DDHD2: variants seen among roughly 807,000 people sequenced by gnomAD.
DDHD2 encodes the protein DDHD domain containing 2, also known as triacylglycerol hydrolase DDHD2.
DDHD2 carries 62 observed loss-of-function variants against 91.2 expected under a neutral mutation model. The observed-to-expected ratio is 0.68, with a 90% CI of 0.55 to 0.84. The LOEUF (loss-of-function observed/expected upper bound fraction) is 0.84, where lower values mean the gene tolerates loss of function less well. Ranked by LOEUF, DDHD2 falls within the 40% of genes least tolerant of loss-of-function variation. The pLI is 0.00. For missense variants in DDHD2, 740 were observed against 846.9 expected (o/e 0.87, Z 1.57); for synonymous variants, 271 against 293.9 (o/e 0.92, Z 0.80).
downstream of DDHD2, chr8:38,262,888 GAACT>G (rs1185864017): frequency 6.6e-6 from 1 of 152,142 alleles, no homozygotes; most frequent in African/African-American, 2.4e-5. Context: ...TTTGGGCAAA[GAACT>G]AATATGTAAG....
In DDHD2 at chr8:38,251,737, A is replaced by C. The variant is rs139222300; in HGVS notation, c.1345-175A>C. On this transcript the variant is annotated intron_variant, in intron 11 of 17. Transcript: ENST00000397166. ...AATCCTTTGGCTATACTTTTACTAT[A>C]TAGTAGCTCCCCATACTTTTTTTTT... The C allele has an allele frequency of 1.5e-4, 83 of 565,378 alleles. 1 individual carries two copies. The East Asian group carries it at 2.0e-3, about 13-fold the overall frequency. 35.0% of individuals were successfully genotyped at this position (565,378 alleles called of 1,614,324 possible). A position where few individuals can be genotyped will look rare whatever the true frequency, so the allele number is the denominator to read the frequency against.
intron 16 of DDHD2, chr8:38,255,194 C>CAAAA (rs34259167): frequency 3.0e-4 from 35 of 118,306 alleles, no homozygotes; most frequent in Non-Finnish European, 3.7e-4. Context: ...GACTCCATCT[C>CAAAA]AAAAAAAAAA....
At chr8:38,247,641 C>G in intron 9 of DDHD2, 72 bp from the exon 10 acceptor site, 1 of 985,904 alleles carries the variant, frequency 1.0e-6, no homozygotes, top group East Asian at 2.9e-5. Context: ...CTATGTATTT[C>G]TTTACTGCAA....
intron 7 of DDHD2, among the ~76,000 whole-genome samples, chr8:38,244,214 C>T (rs1361712191): frequency 1.3e-5 from 2 of 152,136 alleles, no homozygotes; most frequent in East Asian, 3.9e-4. Context: ...TCTTAAAGTG[C>T]TGGGATTACA....
chr8:38,273,183 A>C (rs1189789706), downstream of DDHD2: 3 of 152,144 alleles, frequency 2.0e-5, no homozygotes, highest in Non-Finnish European at 4.4e-5. Flanking sequence ...TTTTTAGCAG[A>C]GACAGGGTTT....
downstream of DDHD2, chr8:38,266,249 G>A (rs757137321): frequency 7.4e-6 from 12 of 1,613,680 alleles, no homozygotes; most frequent in Admixed American, 1.7e-5. Context: ...CGGCCTTGTG[G>A]TGTGAAGCAG....
chr8:38,270,344 C>T (rs1200646831), intron 1 of DDHD2: 7 of 152,194 alleles, frequency 4.6e-5, no homozygotes, highest in East Asian at 1.9e-4. Context: ...AAAATGAAAA[C>T]GGAGTCTGTA....
chr8:38,246,162 C>CT (rs1805619062), intron 8 of DDHD2, 71 bp from the exon 9 acceptor site: 1 of 1,257,270 alleles, frequency 8.0e-7, no homozygotes, highest in African/African-American at 1.5e-5. Flanking sequence ...TGGCTTATGC[C>CT]TTTTTTGTAT....
chr8:38,266,332 A>C, downstream of DDHD2: 1 of 1,602,042 alleles, frequency 6.2e-7, no homozygotes, highest in African/African-American at 1.3e-5. Context: ...AAAAACTTTT[A>C]AGTGGTTTGT....
At chr8:38,235,219 T>C (rs1384709722) in intron 3 of DDHD2, among the ~76,000 whole-genome samples, 1 of 151,890 alleles carries the variant, frequency 6.6e-6, no homozygotes, top group African/African-American at 2.4e-5. Flanking sequence ...GAAAGGAAAA[T>C]ATTGTAATGG....
At chr8:38,264,241 A>G (rs1352780083), downstream of DDHD2, 27 of 787,364 alleles carry the variant, frequency 3.4e-5, no homozygotes, top group Non-Finnish European at 4.4e-5. Context: ...TCCAGCTCCC[A>G]GGTTCAAGCA....
chr8:38,266,224 C>T (rs1294275859), downstream of DDHD2: 1 of 1,613,852 alleles, frequency 6.2e-7, no homozygotes, highest in Middle Eastern at 1.7e-4. Context: ...GGCACAGAAC[C>T]TCCAAGATTT....
intron 16 of DDHD2, among the ~76,000 whole-genome samples, chr8:38,253,979 G>A (rs914290435): frequency 2.0e-5 from 3 of 151,858 alleles, no homozygotes; most frequent in African/African-American, 7.3e-5. Flanking sequence ...GGGAGGCTGA[G>A]GCAGGAGAGT....
intron 1 of DDHD2, chr8:38,268,999 G>T: frequency 6.4e-7 from 1 of 1,573,884 alleles, no homozygotes; most frequent in African/African-American, 1.4e-5. Context: ...CCCTAGAGGG[G>T]AACAAAGAAG....
intron 9 of DDHD2, among the ~76,000 whole-genome samples, chr8:38,246,610 G>A (rs1373937050): frequency 6.6e-6 from 1 of 152,238 alleles, no homozygotes; most frequent in Non-Finnish European, 1.5e-5. Flanking sequence ...GAGAGGCTGA[G>A]ACTGGTGGAT....
Position 38,261,972 on chromosome 8 carries a change from A to G in DDHD2, c.*1399A>G, listed in dbSNP as rs1283987606. 4 of 152,120 alleles carry G rather than the reference A, an allele frequency of 2.6e-5. No individual in the cohort carries two copies. The highest frequency in any genetic ancestry group is 9.7e-5 in the African/African-American group (4 of 41,406). The allele number at this position is 152,120 out of a possible 1,614,324, so 9.4% of individuals were successfully genotyped here. On this transcript the variant is annotated 3_prime_UTR_variant, in exon 18 of 18. Coordinates refer to ENST00000397166, the MANE Select transcript of DDHD2 (RefSeq NM_015214.3). ...GTATTCAAAGCCACTGACATTTAAT[A>G]TTTACTGAAGCCATTCCTTAGACAG...
At chr8:38,254,538 G>A (rs1455596656) in intron 16 of DDHD2, among the ~76,000 whole-genome samples, 1 of 151,824 alleles carries the variant, frequency 6.6e-6, no homozygotes, top group African/African-American at 2.4e-5. Context: ...GCACCACCAT[G>A]CCCAGCTAAT....
Position 38,233,089 on chromosome 8 carries a change from A to C in DDHD2, c.95A>C (p.Asp32Ala). ...AGTTCCTTTGAGCTAATAGACATGG[A>C]TGCTGGCAGCTTGTATGAACCAGTT... The part of the protein sequence containing the change: ...SCSSFELIDM[D>A]AGSLYEPVSP... The change falls in exon 2 of 18, where the codon GAT (aspartate) becomes GCT (alanine). Residue 32 changes from aspartate (D) to alanine (A), a missense_variant. By Grantham distance (126) the Asp-to-Ala change is moderately radical (BLOSUM62 -2). Coordinates refer to ENST00000397166, the MANE Select transcript of DDHD2 (RefSeq NM_015214.3). 1 of 1,614,202 alleles carries C rather than the reference A, an allele frequency of 6.2e-7. No homozygotes were observed. Among genetic ancestry groups the C allele is most frequent in the Non-Finnish European group, 8.5e-7 (1 of 1,180,026 alleles).
At chr8:38,254,553 G>C (rs1158534931) in intron 16 of DDHD2, among the ~76,000 whole-genome samples, 1 of 151,828 alleles carries the variant, frequency 6.6e-6, no homozygotes, top group Non-Finnish European at 1.5e-5. Flanking sequence ...GCTAATTTTT[G>C]TACAGACAGG....
Sources: allele counts gnomAD v4.1 joint callset (sites outside exome capture counted in the v4.1 genomes callset), GRCh38; gene constraint gnomAD v4.1.1; transcripts MANE v1.5; gene names NCBI Gene and HGNC (gene_info 2026-07-23, HGNC 2026-07-21).